The following LSAMP variants were observed in gnomAD, a reference collection of about 807,000 sequenced individuals.
LSAMP encodes limbic system-associated membrane protein.
In LSAMP, 7 loss-of-function variants were observed where a neutral mutation model predicts 38.6. The observed-to-expected ratio is 0.18, with a 90% CI of 0.10 to 0.34. The LOEUF (loss-of-function observed/expected upper bound fraction) is 0.34. LSAMP is among the 10% of genes least tolerant of loss of function. The pLI is 1.00. For missense variants in LSAMP, 313 were observed against 420.0 expected (o/e 0.75, Z 2.23); for synonymous variants, 154 against 166.8 (o/e 0.92, Z 0.59).
At chr3:116,413,659 T>C (rs1175014170) in intron 1 of LSAMP, among the ~76,000 whole-genome samples, 1 of 152,076 alleles carries the variant, frequency 6.6e-6, no homozygotes, top group Non-Finnish European at 1.5e-5. Flanking sequence ...CCTATGCACA[T>C]GCAGCAGGCG....
chr3:116,417,746 C>A (rs1315584232), intron 1 of LSAMP, among the ~76,000 whole-genome samples: 1 of 152,114 alleles, frequency 6.6e-6, no homozygotes, highest in Non-Finnish European at 1.5e-5. Context: ...TTTGTTTCAC[C>A]TGTCAGTCCT....
chr3:116,200,065 A>G lies in LSAMP; in HGVS notation c.156-113509T>C, dbSNP rs117701504. 3.4e-5 allele frequency among the ~76,000 whole-genome samples: 5 copies of G among 148,894 alleles called. No individual in the cohort carries two copies. The East Asian group carries it at 8.0e-4, about 24-fold the overall frequency. On this transcript the variant is annotated intron_variant, in intron 1 of 6. Transcript: ENST00000490035. ...CAAAAAATGGGGAGAAAGGTACCTT[A>G]CAGTTTTACTGTTTTTCAGTCTTAC...
At chr3:116,083,685 A>T (rs777536120) in intron 2 of LSAMP, among the ~76,000 whole-genome samples, 3 of 152,218 alleles carry the variant, frequency 2.0e-5, no homozygotes, top group Non-Finnish European at 2.9e-5. Flanking sequence ...AAAAATCAAA[A>T]GTGTCTTAGA....
chr3:116,123,748 C>T (rs1708941120), intron 1 of LSAMP, among the ~76,000 whole-genome samples: 2 of 152,152 alleles, frequency 1.3e-5, no homozygotes, highest in Admixed American at 6.5e-5. Flanking sequence ...AGATATTAAT[C>T]AGACTTATAC....
intron 1 of LSAMP, among the ~76,000 whole-genome samples, chr3:116,224,279 C>T (rs1559789756): frequency 1.3e-5 from 2 of 152,146 alleles, no homozygotes. Context: ...GACCCTTCAC[C>T]CAAGAATCCT....
intron 3 of LSAMP, among the ~76,000 whole-genome samples, chr3:115,901,285 G>A (rs575917269): frequency 4.7e-4 from 72 of 152,122 alleles, no homozygotes; most frequent in African/African-American, 1.6e-3. Flanking sequence ...GAAGGCATGT[G>A]AGGAGGTAAT....
At chr3:116,395,724 A>T (rs1428817023) in intron 1 of LSAMP, among the ~76,000 whole-genome samples, 1 of 152,112 alleles carries the variant, frequency 6.6e-6, no homozygotes, top group Non-Finnish European at 1.5e-5. Context: ...ATGGAAGGGG[A>T]ATATGTTTTG....
intron 3 of LSAMP, among the ~76,000 whole-genome samples, chr3:115,907,432 C>A (rs569993230): frequency 1.6e-3 from 250 of 152,234 alleles, no homozygotes; most frequent in African/African-American, 5.8e-3. Context: ...ATCTATGAAG[C>A]AGAGAGTGGG....
intron 1 of LSAMP, among the ~76,000 whole-genome samples, chr3:116,382,417 C>T (rs1391613854): frequency 1.3e-5 from 2 of 151,228 alleles, no homozygotes; most frequent in East Asian, 2.0e-4. Context: ...AAAAACCAAA[C>T]ACCTCATATT....
chr3:116,239,210 G>C (rs1421402378), intron 1 of LSAMP, among the ~76,000 whole-genome samples: 1 of 152,138 alleles, frequency 6.6e-6, no homozygotes, highest in Non-Finnish European at 1.5e-5. Context: ...GTAGAGTAAA[G>C]GGGATGACTT....
chr3:116,252,775 C>T (rs1009286814), intron 1 of LSAMP, among the ~76,000 whole-genome samples: 1 of 152,210 alleles, frequency 6.6e-6, no homozygotes, highest in Non-Finnish European at 1.5e-5. Context: ...AGTGTGGTTT[C>T]GGCTAGCTCC....
At chr3:116,125,234 A>G (rs139233534) in intron 1 of LSAMP, among the ~76,000 whole-genome samples, 44 of 152,322 alleles carry the variant, frequency 2.9e-4, no homozygotes, top group Admixed American at 1.2e-3. Context: ...CAAGAACAAA[A>G]TAAGACTTCA....
At chr3:116,061,915 T>G (rs1941601521) in intron 2 of LSAMP, among the ~76,000 whole-genome samples, 1 of 152,224 alleles carries the variant, frequency 6.6e-6, no homozygotes, top group South Asian at 2.1e-4. Context: ...ATTTCCATAA[T>G]CTATTTTATT....
At chr3:116,031,628 C>A (rs12493033) in intron 2 of LSAMP, among the ~76,000 whole-genome samples, 33,146 of 128,150 alleles carry the variant, frequency 0.26, 3,966 homozygotes, top group Admixed American at 0.33. Context: ...CATGTAGAGA[C>A]GGAGGTAGAT....
At chr3:116,033,738 A>G (rs1290418766) in intron 2 of LSAMP, among the ~76,000 whole-genome samples, 1 of 152,076 alleles carries the variant, frequency 6.6e-6, no homozygotes, top group Non-Finnish European at 1.5e-5. Context: ...CTTCCTTCCA[A>G]CAAGAAATGA....
intron 1 of LSAMP, among the ~76,000 whole-genome samples, chr3:116,276,832 C>T (rs1268804248): frequency 2.0e-5 from 3 of 152,130 alleles, no homozygotes; most frequent in South Asian, 2.1e-4. Flanking sequence ...GCATCCTAGA[C>T]AACCTGCTGA....
intron 1 of LSAMP, among the ~76,000 whole-genome samples, chr3:116,145,152 T>A (rs573684729): frequency 1.3e-5 from 2 of 152,000 alleles, no homozygotes; most frequent in East Asian, 3.9e-4. Context: ...AGACTTTTTC[T>A]ATTTGAATCT....
chr3:116,241,346 C>T (rs771220858), intron 1 of LSAMP, among the ~76,000 whole-genome samples: 2 of 152,046 alleles, frequency 1.3e-5, no homozygotes, highest in Admixed American at 6.6e-5. Context: ...ACAGGCTGAT[C>T]GCCTGAGGTC....
intron 1 of LSAMP, among the ~76,000 whole-genome samples, chr3:116,387,469 G>A (rs749134366): frequency 6.6e-6 from 1 of 152,068 alleles, no homozygotes; most frequent in Non-Finnish European, 1.5e-5. Flanking sequence ...CAGAACCATA[G>A]TCCAAATATC....
Sources: gnomAD v4.1 joint callset for allele counts (sites outside exome capture counted in the v4.1 genomes callset) on GRCh38, gnomAD v4.1.1 for gene constraint, MANE v1.5 for transcripts, NCBI Gene and HGNC (gene_info 2026-07-23, HGNC 2026-07-21) for gene names.